The following BCAR3 variants were observed in gnomAD, a reference collection of about 807,000 sequenced individuals.
BCAR3 encodes BCAR3 adaptor protein, NSP family member.
BCAR3 carries 37 observed loss-of-function variants against 80.1 expected under a neutral mutation model. The ratio of observed to expected loss-of-function variants is 0.46; its 90% CI spans 0.36 to 0.61. The LOEUF (loss-of-function observed/expected upper bound fraction) is 0.61. Among genes scored for constraint, BCAR3 ranks in the 20% least tolerant of loss-of-function variants. The pLI is 0.00. For missense variants in BCAR3, 978 were observed against 1,068.2 expected (o/e 0.92, Z 1.18); for synonymous variants, 389 against 418.9 (o/e 0.93, Z 0.87).
At chr1:93,790,236 A>T (rs1458178770) in intron 2 of BCAR3, among the ~76,000 whole-genome samples, 1 of 152,192 alleles carries the variant, frequency 6.6e-6, no homozygotes, top group East Asian at 1.9e-4. Flanking sequence ...AAGACAATGA[A>T]GAAAAGAAAT....
At chr1:93,830,166 TA>T (rs1244160649) in intron 2 of BCAR3, among the ~76,000 whole-genome samples, 1 of 152,186 alleles carries the variant, frequency 6.6e-6, no homozygotes, top group African/African-American at 2.4e-5. Flanking sequence ...CTTTTTTTTA[TA>T]AATTACCCAG....
At chr1:93,660,203 G>A (rs926921380) in intron 2 of BCAR3, among the ~76,000 whole-genome samples, 2 of 152,180 alleles carry the variant, frequency 1.3e-5, no homozygotes, top group African/African-American at 4.8e-5. Flanking sequence ...TGGATTGACA[G>A]GCCCCCTCAT....
chr1:93,588,166 T>G (rs1674022510), intron 5 of BCAR3, among the ~76,000 whole-genome samples: 1 of 152,184 alleles, frequency 6.6e-6, no homozygotes, highest in Admixed American at 6.5e-5. Context: ...CCAAAACTGC[T>G]GCTGGACTGT....
rs756308329 is a variant in BCAR3, at chr1:93,674,650, G to A, written c.281C>T (p.Pro94Leu). ...PVTQDGIQES[P>L]WQDRHGETFT... ...GGTTTCGCCGTGCCGGTCCTGCCAT[G>A]GGCTCTCCTGGATGCCATCCTGGGT... Residue 94 changes from proline (P) to leucine (L), a missense_variant, in exon 2 of 12, where the codon CCA (proline) becomes CTA (leucine). Coordinates refer to ENST00000260502, the MANE Select transcript of BCAR3 (RefSeq NM_003567.4). 2 of 1,613,814 alleles carry A rather than the reference G, an allele frequency of 1.2e-6. No individual in the cohort carries two copies. Among genetic ancestry groups the A allele is most frequent in the Non-Finnish European group, 1.7e-6 (2 of 1,179,996 alleles).
intron 2 of BCAR3, among the ~76,000 whole-genome samples, chr1:93,660,780 T>A (rs922405193): frequency 6.6e-6 from 1 of 152,278 alleles, no homozygotes; most frequent in African/African-American, 2.4e-5. Flanking sequence ...AATGGCACGA[T>A]CTTGACTTAC....
chr1:93,612,560 G>A (rs892726886), intron 3 of BCAR3, among the ~76,000 whole-genome samples: 2 of 152,170 alleles, frequency 1.3e-5, no homozygotes, highest in African/African-American at 4.8e-5. Context: ...ATTAGCAGAA[G>A]TTGGCTTGTG....
At chr1:93,619,880 G>A (rs142230889) in intron 3 of BCAR3, among the ~76,000 whole-genome samples, 1,697 of 152,334 alleles carry the variant, frequency 0.011, 22 homozygotes, top group Non-Finnish European at 0.013. Flanking sequence ...AGCCAGGATG[G>A]GTTCTGGTCT....
intron 1 of BCAR3, among the ~76,000 whole-genome samples, chr1:93,845,985 T>C (rs1373507197): frequency 3.3e-5 from 5 of 152,150 alleles, no homozygotes; most frequent in African/African-American, 1.2e-4. Flanking sequence ...AACGTGTTAG[T>C]TTGCAAACAT....
At chr1:93,583,938 C>T in intron 6 of BCAR3, 80 bp downstream of exon 6, 1 of 1,388,864 alleles carries the variant, frequency 7.2e-7, no homozygotes, top group Non-Finnish European at 1.0e-6. Context: ...TCGAATGAGA[C>T]AACTAGATGG....
intron 2 of BCAR3, among the ~76,000 whole-genome samples, chr1:93,803,754 T>C (rs1383572235): frequency 6.6e-6 from 1 of 152,172 alleles, no homozygotes; most frequent in Non-Finnish European, 1.5e-5. Context: ...TTAAGAACTA[T>C]AGCTTGGAAA....
At chr1:93,846,745 G>A (rs899150442) in intron 1 of BCAR3, 2 of 398,224 alleles carry the variant, frequency 5.0e-6, no homozygotes, top group Non-Finnish European at 5.0e-6. Flanking sequence ...CGCGGGCCCC[G>A]GGCGCGCGGG....
Position 93,659,501 on chromosome 1 carries a change from G to A in BCAR3, c.317+15113C>T, listed in dbSNP as rs150737984. Among the ~76,000 whole-genome samples the A allele has an allele frequency of 2.4e-3, 360 of 151,864 alleles. 1 individual carries two copies. The highest frequency in any genetic ancestry group is 8.5e-3 in the African/African-American group (351 of 41,374). On this transcript the variant is annotated intron_variant, in intron 2 of 11. Coordinates refer to ENST00000260502, the MANE Select transcript of BCAR3 (RefSeq NM_003567.4). ...AGACACCATGCCTGGCCAGCAACCG[G>A]CTTTAAGTCTATGAAGATTTTGCAT...
intron 2 of BCAR3, among the ~76,000 whole-genome samples, chr1:93,715,431 T>C (rs1434995168): frequency 6.6e-6 from 1 of 152,056 alleles, no homozygotes; most frequent in Non-Finnish European, 1.5e-5. Context: ...ATTTTAAAGG[T>C]GAGGAAAAGG....
intron 3 of BCAR3, among the ~76,000 whole-genome samples, chr1:93,593,501 T>A (rs545382707): frequency 3.3e-5 from 5 of 152,066 alleles, no homozygotes; most frequent in African/African-American, 1.2e-4. Context: ...CCCTGGTAGC[T>A]AGGACTACAA....
chr1:93,668,245 C>T (rs1415069695), intron 2 of BCAR3, among the ~76,000 whole-genome samples: 8 of 152,164 alleles, frequency 5.3e-5, no homozygotes, highest in Non-Finnish European at 1.0e-4. Context: ...AATCTGTTAA[C>T]AATTTTTTTT....
intron 2 of BCAR3, among the ~76,000 whole-genome samples, chr1:93,768,150 T>C (rs1245964617): frequency 6.6e-6 from 1 of 152,148 alleles, no homozygotes; most frequent in African/African-American, 2.4e-5. Flanking sequence ...TTAGAGTCAA[T>C]GGCCAGAGCA....
intron 2 of BCAR3, among the ~76,000 whole-genome samples, chr1:93,713,952 C>T (rs1557663443): frequency 6.6e-6 from 1 of 152,148 alleles, no homozygotes; most frequent in Non-Finnish European, 1.5e-5. Context: ...GGGGGAGAGG[C>T]ATTTAAAAAA....
At chr1:93,645,235 A>G (rs1192775692) in intron 2 of BCAR3, among the ~76,000 whole-genome samples, 1 of 152,030 alleles carries the variant, frequency 6.6e-6, no homozygotes, top group Non-Finnish European at 1.5e-5. Context: ...CATCCACCAC[A>G]CAAAAATCCT....
chr1:93,671,214 C>T (rs898871495), intron 2 of BCAR3, among the ~76,000 whole-genome samples: 17 of 152,214 alleles, frequency 1.1e-4, no homozygotes, highest in African/African-American at 3.1e-4. Context: ...AGGATGGTCT[C>T]GAACTCCTGA....
Sources: allele counts gnomAD v4.1 joint callset (sites outside exome capture counted in the v4.1 genomes callset), GRCh38; gene constraint gnomAD v4.1.1; transcripts MANE v1.5; gene names NCBI Gene and HGNC (gene_info 2026-07-23, HGNC 2026-07-21).